The following CELF5 variants were observed in gnomAD, a reference collection of about 807,000 sequenced individuals.
CELF5 encodes the protein CUG-BP and ETR-3 like factor 5.
CELF5 carries 6 observed loss-of-function variants against 54.9 expected under a neutral mutation model. That is an observed-to-expected ratio of 0.11 (90% CI 0.06 to 0.22). The LOEUF is 0.22. CELF5 is among the 10% of genes least tolerant of loss of function. The pLI, the probability that CELF5 is intolerant of heterozygous loss-of-function variation, is 1.00. For missense variants in CELF5, 401 were observed against 678.6 expected (o/e 0.59, Z 4.54); for synonymous variants, 271 against 290.9 (o/e 0.93, Z 0.70).
intron 10 of CELF5, chr19:3,286,835 C>T (rs889619117): frequency 6.6e-5 from 10 of 151,076 alleles, no homozygotes; most frequent in African/African-American, 2.4e-4. Flanking sequence ...GAGATCGAGA[C>T]CATCCTGGCT....
chr19:3,259,883 C>CA (rs2079784746), intron 2 of CELF5, among the ~76,000 whole-genome samples: 1 of 152,192 alleles, frequency 6.6e-6, no homozygotes, highest in Admixed American at 6.5e-5. Context: ...CCAATGTCCA[C>CA]AGTGCCCGGG....
Position 3,282,633 on chromosome 19 carries a change from GA to G in CELF5, c.1039+136del. ...GGAAAAAGGGTGTCTCCGCTGAGCA[GA>G]TAAGAGCTGTGGACACAGGAAGGGA... On this transcript the variant is annotated intron_variant, in intron 8 of 12. Coordinates refer to ENST00000292672, the MANE Select transcript of CELF5 (RefSeq NM_021938.4). This position sits in a 1 kb window ranked among gnomAD's most constrained non-coding sequence, Gnocchi z 5.2. 1.0e-6 allele frequency: 1 copy of G among 991,900 alleles called. No individual in the cohort carries two copies. The highest frequency in any genetic ancestry group is 2.7e-5 in the Admixed American group (1 of 36,898). The allele number at this position is 991,900 out of a possible 1,614,324, so 61.4% of individuals were successfully genotyped here.
At chr19:3,246,712 C>CA (rs373172540) in intron 1 of CELF5, among the ~76,000 whole-genome samples, 10 of 151,848 alleles carry the variant, frequency 6.6e-5, no homozygotes, top group Non-Finnish European at 1.3e-4. Flanking sequence ...GACCCTGTCT[C>CA]AAAAAAACAA....
intron 2 of CELF5, among the ~76,000 whole-genome samples, chr19:3,262,393 G>A (rs1387520151): frequency 6.6e-6 from 1 of 152,120 alleles, no homozygotes; most frequent in Non-Finnish European, 1.5e-5. Flanking sequence ...ACCACCACAT[G>A]TGGCTAATGG....
At position 3,228,707 on chromosome 19, in the gene CELF5, G is replaced by A. The variant is rs1917080427; in HGVS notation, c.259+3709G>A. On this transcript the variant is annotated intron_variant, in intron 1 of 12. Coordinates refer to ENST00000292672, the MANE Select transcript of CELF5 (RefSeq NM_021938.4). The surrounding 1 kb of genome is among the most constrained non-coding windows in gnomAD (Gnocchi z 6.0). Reference sequence around the variant, plus strand: ...TCGACTCGGGAGGGGGGGAGGAGGAGGCTGTAGCAGGCTGAGCTCTGAGGC... The same window carrying A: ...TCGACTCGGGAGGGGGGGAGGAGGAAGCTGTAGCAGGCTGAGCTCTGAGGC... Among the ~76,000 whole-genome samples, 2 of 151,964 alleles carry A rather than the reference G, an allele frequency of 1.3e-5. No homozygotes were observed. The highest frequency in any genetic ancestry group is 2.1e-4 in the South Asian group (1 of 4,802).
intron 2 of CELF5, among the ~76,000 whole-genome samples, chr19:3,251,669 T>G (rs993821807): frequency 5.6e-4 from 78 of 138,096 alleles, no homozygotes; most frequent in African/African-American, 1.8e-3. Context: ...TTTTTTTTTT[T>G]TTTTTGTTGT....
At chr19:3,261,608 C>T (rs910607663) in intron 2 of CELF5, among the ~76,000 whole-genome samples, 2 of 151,798 alleles carry the variant, frequency 1.3e-5, no homozygotes, top group Non-Finnish European at 2.9e-5. Context: ...TTGCTTGAGC[C>T]CAGGAGTTTG....
intron 1 of CELF5, among the ~76,000 whole-genome samples, chr19:3,240,453 A>G (rs934568748): frequency 1.3e-5 from 2 of 150,760 alleles, no homozygotes; most frequent in African/African-American, 4.9e-5. Context: ...TCAGCCTCCT[A>G]CGTAGCTGGG....
chr19:3,251,668 T>TG (rs1568339534), intron 2 of CELF5, among the ~76,000 whole-genome samples: 146 of 138,498 alleles, frequency 1.1e-3, no homozygotes, highest in African/African-American at 2.9e-3. Flanking sequence ...TTTTTTTTTT[T>TG]TTTTTTGTTG....
Position 3,283,842 on chromosome 19 carries a change from C to T in CELF5, c.1040-1060C>T, listed in dbSNP as rs556721033. Among the ~76,000 whole-genome samples, 9 of 149,188 alleles carry T rather than the reference C, an allele frequency of 6.0e-5. No homozygotes were observed. In the East Asian group the frequency reaches 6.1e-4, roughly 10 times the overall value. On this transcript the variant is annotated intron_variant, in intron 8 of 12. Transcript: ENST00000292672. ...CAAATTTCACCATTTATTTATTTAG[C>T]GACAGAGTCTCACTCTGTCGCCCAG...
Position 3,252,735 on chromosome 19 carries a change from T to G in CELF5, c.342+1668T>G, listed in dbSNP as rs187140809. Among the ~76,000 whole-genome samples, 642 of 152,122 alleles carry G rather than the reference T, an allele frequency of 4.2e-3. 4 individuals are homozygous for G. Among genetic ancestry groups the G allele is most frequent in the Non-Finnish European group, 7.4e-3 (506 of 68,000 alleles). On this transcript the variant is annotated intron_variant, in intron 2 of 12. Transcript: ENST00000292672. ...CTTGAAGAATAGAGAGCCCCTCTTTTGGGTGTGATGTGATGCAAGTTAGAG... is the reference window on the plus strand; with the variant it reads ...CTTGAAGAATAGAGAGCCCCTCTTTGGGGTGTGATGTGATGCAAGTTAGAG...
intron 1 of CELF5, among the ~76,000 whole-genome samples, chr19:3,236,446 A>G (rs1440436112): frequency 6.6e-6 from 1 of 152,054 alleles, no homozygotes; most frequent in African/African-American, 2.4e-5. Flanking sequence ...GCTGGCTTTG[A>G]TCCTTATCTC....
intron 1 of CELF5, among the ~76,000 whole-genome samples, chr19:3,249,715 C>G (rs777595814): frequency 6.6e-6 from 1 of 152,236 alleles, no homozygotes; most frequent in Non-Finnish European, 1.5e-5. Flanking sequence ...CATCCATTGG[C>G]TGGTCCAACT....
intron 1 of CELF5, among the ~76,000 whole-genome samples, chr19:3,249,131 C>A (rs1380660117): frequency 6.6e-6 from 1 of 151,672 alleles, no homozygotes; most frequent in Non-Finnish European, 1.5e-5. Context: ...AAGTGGACAC[C>A]GTGGAGCTCC....
intron 1 of CELF5, among the ~76,000 whole-genome samples, chr19:3,233,881 A>C (rs1917393645): frequency 6.6e-6 from 1 of 152,240 alleles, no homozygotes; most frequent in Non-Finnish European, 1.5e-5. Flanking sequence ...ACTAAGGCAC[A>C]GAAGGCCCTA....
Position 3,281,130 on chromosome 19 carries a change from A to T in CELF5, c.604-69A>T. The T allele has an allele frequency of 6.4e-7, 1 of 1,553,396 alleles. No homozygotes were observed. The highest frequency in any genetic ancestry group is 1.1e-5 in the South Asian group (1 of 87,874). ...ACCCAGGAGGCCTGAGCTAACATGA[A>T]TCCAGGGACCCCAGAGTCCTGGCTA... On this transcript the variant is annotated intron_variant, in intron 5 of 12. Coordinates refer to ENST00000292672, the MANE Select transcript of CELF5 (RefSeq NM_021938.4). This position sits in a 1 kb window ranked among gnomAD's most constrained non-coding sequence, Gnocchi z 6.5.
rs1157457891 is a variant in CELF5 at position 3,282,606 on chromosome 19, C to A, written c.1039+108C>A. The A allele has an allele frequency of 5.0e-5, 66 of 1,313,696 alleles. No individual in the cohort carries two copies. Among genetic ancestry groups the A allele is most frequent in the Non-Finnish European group, 6.6e-5 (64 of 964,296 alleles). 81.4% of individuals were successfully genotyped at this position (1,313,696 alleles called of 1,614,324 possible). ...TCACAGTGCCCAGGGAACAGAAGGGCAGGAAAAAGGGTGTCTCCGCTGAGC... is the reference window on the plus strand; with the variant it reads ...TCACAGTGCCCAGGGAACAGAAGGGAAGGAAAAAGGGTGTCTCCGCTGAGC... On this transcript the variant is annotated intron_variant, in intron 8 of 12. Transcript: ENST00000292672. This position sits in a 1 kb window ranked among gnomAD's most constrained non-coding sequence, Gnocchi z 5.2.
chr19:3,251,492 C>T (rs962244070), intron 2 of CELF5, among the ~76,000 whole-genome samples: 7 of 151,736 alleles, frequency 4.6e-5, no homozygotes, highest in African/African-American at 1.5e-4. Context: ...GAAAGAAAGG[C>T]GGGAAGGGCA....
chr19:3,234,259 C>T (rs1457624077), intron 1 of CELF5, among the ~76,000 whole-genome samples: 2 of 152,076 alleles, frequency 1.3e-5, no homozygotes, highest in Non-Finnish European at 2.9e-5. Context: ...CTCTCTCTCT[C>T]TCTCTCTCCC....
Sources: gnomAD v4.1 joint callset for allele counts (sites outside exome capture counted in the v4.1 genomes callset) on GRCh38, gnomAD v4.1.1 for gene constraint, Gnocchi (gnomAD v3.1) non-coding constraint, MANE v1.5 for transcripts, NCBI Gene and HGNC (gene_info 2026-07-23, HGNC 2026-07-21) for gene names.